The following PPP1R14C variants were observed in gnomAD, a reference collection of about 807,000 sequenced individuals.
PPP1R14C encodes the protein protein phosphatase 1 regulatory subunit 14C.
In PPP1R14C, 16 loss-of-function variants were observed where a neutral mutation model predicts 20.4. The observed-to-expected ratio is 0.78, with a 90% CI of 0.53 to 1.19. The LOEUF is 1.19. Among genes scored for constraint, PPP1R14C ranks in the 50% most tolerant of loss-of-function variants. The pLI, the probability that PPP1R14C is intolerant of heterozygous loss-of-function variation, is 0.00. For synonymous variants in PPP1R14C, 91 were observed against 91.0 expected (o/e 1.00, Z 0.00); for missense variants, 211 against 220.1 (o/e 0.96, Z 0.26).
At chr6:150,236,461 G>A (rs553881459) in intron 3 of PPP1R14C, among the ~76,000 whole-genome samples, 1 of 152,274 alleles carries the variant, frequency 6.6e-6, no homozygotes, top group East Asian at 1.9e-4. Context: ...TGAGAGGTAG[G>A]GGCCCAGGAG....
intron 3 of PPP1R14C, among the ~76,000 whole-genome samples, chr6:150,225,191 G>T (rs1257159222): frequency 1.3e-5 from 2 of 152,074 alleles, no homozygotes; most frequent in Non-Finnish European, 2.9e-5. Context: ...AGAACAGAAT[G>T]CTCCGGTGTA....
chr6:150,153,062 C>T (rs568863485), intron 1 of PPP1R14C, among the ~76,000 whole-genome samples: 4 of 152,192 alleles, frequency 2.6e-5, no homozygotes, highest in Non-Finnish European at 5.9e-5. Flanking sequence ...AAGACGGCCA[C>T]CTGTAGACCA....
At chr6:150,210,491 C>T (rs1778009775) in intron 1 of PPP1R14C, among the ~76,000 whole-genome samples, 1 of 152,224 alleles carries the variant, frequency 6.6e-6, no homozygotes, top group African/African-American at 2.4e-5. Context: ...CTCCTGCCTC[C>T]TCCCTGTTAT....
At chr6:150,239,881 C>T (rs1441483697) in intron 3 of PPP1R14C, among the ~76,000 whole-genome samples, 2 of 152,034 alleles carry the variant, frequency 1.3e-5, no homozygotes, top group Non-Finnish European at 1.5e-5. Context: ...GGTGAAACCC[C>T]GTCTCTACAA....
intron 1 of PPP1R14C, among the ~76,000 whole-genome samples, chr6:150,147,474 A>G (rs775811292): frequency 2.6e-5 from 4 of 151,886 alleles, no homozygotes; most frequent in Non-Finnish European, 5.9e-5. Context: ...CACCGCGCCC[A>G]GCCAACCCTG....
chr6:150,228,466 A>G (rs1718968699), intron 3 of PPP1R14C, among the ~76,000 whole-genome samples: 1 of 152,204 alleles, frequency 6.6e-6, no homozygotes, highest in Admixed American at 6.5e-5. Flanking sequence ...TCCCTGTGGA[A>G]TGGACAGCAT....
At chr6:150,155,654 A>G (rs975027995) in intron 1 of PPP1R14C, among the ~76,000 whole-genome samples, 1 of 152,184 alleles carries the variant, frequency 6.6e-6, no homozygotes, top group Non-Finnish European at 1.5e-5. Context: ...AATATGCTTC[A>G]TCTTAGTTGA....
intron 1 of PPP1R14C, among the ~76,000 whole-genome samples, chr6:150,152,325 C>T (rs1777258391): frequency 6.6e-6 from 1 of 152,110 alleles, no homozygotes; most frequent in African/African-American, 2.4e-5. Context: ...CCGCTCTGTC[C>T]CTGCTCCAGC....
intron 1 of PPP1R14C, among the ~76,000 whole-genome samples, chr6:150,176,726 T>A (rs778904550): frequency 2.6e-5 from 4 of 152,210 alleles, no homozygotes; most frequent in Non-Finnish European, 5.9e-5. Flanking sequence ...TCCTTTAAGC[T>A]GTTATAATGA....
At chr6:150,158,689 C>T (rs80215468) in intron 1 of PPP1R14C, among the ~76,000 whole-genome samples, 1 of 151,434 alleles carries the variant, frequency 6.6e-6, no homozygotes, top group Non-Finnish European at 1.5e-5. Flanking sequence ...AAGAGAATAA[C>T]TTCAAAGTTG....
intron 3 of PPP1R14C, among the ~76,000 whole-genome samples, chr6:150,225,665 T>C (rs943207832): frequency 1.3e-5 from 2 of 152,236 alleles, no homozygotes; most frequent in African/African-American, 4.8e-5. Flanking sequence ...TCTCATTTAA[T>C]CTTCACAACA....
At chr6:150,147,588 C>T (rs1777194136) in intron 1 of PPP1R14C, among the ~76,000 whole-genome samples, 1 of 152,220 alleles carries the variant, frequency 6.6e-6, no homozygotes, top group Non-Finnish European at 1.5e-5. Flanking sequence ...GTTTGCCCAG[C>T]ATCAAGATAA....
intron 1 of PPP1R14C, chr6:150,194,845 T>C: frequency 1.0e-6 from 1 of 985,422 alleles, no homozygotes; most frequent in African/African-American, 1.7e-5. Flanking sequence ...GTCTACTTGT[T>C]TGAGTACTTA....
chr6:150,184,989 G>A lies in PPP1R14C; in HGVS notation c.307-29755G>A, dbSNP rs961255661. 5.3e-5 allele frequency among the ~76,000 whole-genome samples: 8 copies of A among 152,296 alleles called. 1 individual carries two copies. The South Asian group carries it at 1.5e-3, about 28-fold the overall frequency. On this transcript the variant is annotated intron_variant, in intron 1 of 3. Transcript: ENST00000361131. The stretch of plus-strand genomic sequence containing the variant: ...CTCCCTTCACTCCCTCATGCCCATG[G>A]TTGGGCAGCCAGGACCTTCTCACCT...
intron 1 of PPP1R14C, among the ~76,000 whole-genome samples, chr6:150,197,249 G>A (rs186489592): frequency 3.8e-3 from 576 of 152,118 alleles, no homozygotes; most frequent in Admixed American, 5.6e-3. Context: ...AGTGTGAGAG[G>A]CTCTGCTCCC....
intron 1 of PPP1R14C, among the ~76,000 whole-genome samples, chr6:150,165,147 T>C (rs1018678693): frequency 3.3e-5 from 5 of 152,238 alleles, no homozygotes; most frequent in African/African-American, 1.2e-4. Context: ...CCTTGTATGT[T>C]TGGCTCTATA....
intron 1 of PPP1R14C, among the ~76,000 whole-genome samples, chr6:150,164,302 A>G (rs1351312495): frequency 1.3e-5 from 2 of 152,218 alleles, no homozygotes; most frequent in Non-Finnish European, 2.9e-5. Flanking sequence ...CCTTTGTCAG[A>G]AATATGTGTC....
At chr6:150,242,905 A>AT in intron 3 of PPP1R14C, among the ~76,000 whole-genome samples, 1 of 152,338 alleles carries the variant, frequency 6.6e-6, no homozygotes, top group South Asian at 2.1e-4. Context: ...ACCAGCAACA[A>AT]TTGGAAATAA....
intron 3 of PPP1R14C, among the ~76,000 whole-genome samples, chr6:150,239,338 C>A (rs1778405409): frequency 6.6e-6 from 1 of 152,076 alleles, no homozygotes. Context: ...GGACAGAAAG[C>A]AATTTTCAAA....
Sources: gnomAD v4.1 joint callset for allele counts (sites outside exome capture counted in the v4.1 genomes callset) on GRCh38, gnomAD v4.1.1 for gene constraint, MANE v1.5 for transcripts, NCBI Gene and HGNC (gene_info 2026-07-23, HGNC 2026-07-21) for gene names.